Variants in UNC79 observed in about 807,000 individuals in gnomAD.
The protein encoded by UNC79 is protein unc-79 homolog.
In UNC79, 37 loss-of-function variants were observed where a neutral mutation model predicts 283.1. That is an observed-to-expected ratio of 0.13 (90% confidence interval 0.10 to 0.17). UNC79 has a LOEUF of 0.17. Ranked by LOEUF, UNC79 falls within the 10% of genes least tolerant of loss-of-function variation. The pLI is 1.00. For synonymous variants in UNC79, 1,107 were observed against 1,200.2 expected (o/e 0.92, Z 1.61); for missense variants, 2,272 against 3,211.1 (o/e 0.71, Z 7.07).
chr14:93,493,901 A>ATATATATATAT (rs1251701550), intron 5 of UNC79, among the ~76,000 whole-genome samples: 2 of 49,252 alleles, frequency 4.1e-5, no homozygotes, highest in African/African-American at 1.8e-4. Flanking sequence ...ATATATATAT[A>ATATATATATAT]TTTTTTTTTT....
At chr14:93,689,795 A>G in intron 44 of UNC79, 1 of 257,628 alleles carries the variant, frequency 3.9e-6, no homozygotes, top group Non-Finnish European at 7.3e-6. Context: ...GGCCCACCAG[A>G]GAAGAAATTT....
intron 14 of UNC79, among the ~76,000 whole-genome samples, chr14:93,559,628 TGAGCCAGGAG>T (rs1360026981): frequency 2.0e-5 from 3 of 152,126 alleles, no homozygotes; most frequent in Non-Finnish European, 4.4e-5. Flanking sequence ...TGAGCCAGGA[TGAGCCAGGAG>T]AAGGAATTTC....
chr14:93,577,397 G>C (rs2063535456), intron 17 of UNC79, among the ~76,000 whole-genome samples: 1 of 152,154 alleles, frequency 6.6e-6, no homozygotes, highest in South Asian at 2.1e-4. Context: ...ATATATTGTT[G>C]TCTCATAATA....
At chr14:93,566,021 G>A (rs948292857) in intron 14 of UNC79, among the ~76,000 whole-genome samples, 1 of 152,062 alleles carries the variant, frequency 6.6e-6, no homozygotes, top group African/African-American at 2.4e-5. Flanking sequence ...AGGAGAGGAG[G>A]GAAAGCATAG....
chr14:93,497,356 T>G, intron 7 of UNC79, 70 bp downstream of exon 7: 1 of 1,497,884 alleles, frequency 6.7e-7, no homozygotes, highest in Non-Finnish European at 8.9e-7. Flanking sequence ...CACCTACTTA[T>G]ACATACATTT....
intron 39 of UNC79, among the ~76,000 whole-genome samples, chr14:93,661,989 C>T (rs1334863730): frequency 6.6e-6 from 1 of 152,190 alleles, no homozygotes; most frequent in Non-Finnish European, 1.5e-5. Flanking sequence ...CCATCTAACT[C>T]TGTCTGACAC....
chr14:93,339,296 T>C (rs1239349346), intron 1 of UNC79, among the ~76,000 whole-genome samples: 1 of 151,782 alleles, frequency 6.6e-6, no homozygotes, highest in Admixed American at 6.6e-5. Context: ...GGCCATTTTT[T>C]TCTTTATTTT....
intron 1 of UNC79, among the ~76,000 whole-genome samples, chr14:93,464,097 C>T (rs915686804): frequency 2.6e-5 from 4 of 152,120 alleles, no homozygotes; most frequent in South Asian, 2.1e-4. Context: ...GGTAGTGAGC[C>T]GAGATCGTGC....
At chr14:93,418,268 G>A (rs1431273481) in intron 1 of UNC79, among the ~76,000 whole-genome samples, 1 of 151,732 alleles carries the variant, frequency 6.6e-6, no homozygotes, top group Non-Finnish European at 1.5e-5. Flanking sequence ...GTCTGTTGGA[G>A]TTTGCTAGAG....
intron 38 of UNC79, among the ~76,000 whole-genome samples, chr14:93,656,927 A>C (rs1222693461): frequency 1.3e-5 from 2 of 152,234 alleles, no homozygotes; most frequent in African/African-American, 4.8e-5. Context: ...TCCACTTCTG[A>C]AATGAGTATT....
chr14:93,674,076 C>T (rs2073126215), intron 41 of UNC79, among the ~76,000 whole-genome samples: 1 of 152,110 alleles, frequency 6.6e-6, no homozygotes, highest in African/African-American at 2.4e-5. Context: ...CCCTGCTGTC[C>T]TTAACTCAGC....
intron 1 of UNC79, among the ~76,000 whole-genome samples, chr14:93,390,583 T>C (rs2054864290): frequency 1.3e-5 from 2 of 152,154 alleles, no homozygotes; most frequent in Admixed American, 1.3e-4. Context: ...AAGGTATAGA[T>C]ATATTATTAG....
At chr14:93,637,241 G>T (rs1283240964) in exon 32 of UNC79, 2 of 1,471,938 alleles carry the variant, frequency 1.4e-6, no homozygotes, top group Non-Finnish European at 1.9e-6. Flanking sequence ...GGAAACGCCA[G>T]TGTAACGTGC....
intron 1 of UNC79, among the ~76,000 whole-genome samples, chr14:93,387,831 G>A (rs1443458127): frequency 6.6e-6 from 1 of 152,184 alleles, no homozygotes; most frequent in Non-Finnish European, 1.5e-5. Flanking sequence ...ACTTAAAATA[G>A]GATATTGAAG....
At position 93,423,062 on chromosome 14, in the gene UNC79, C is replaced by CAAAA. The variant is rs71129634; in HGVS notation, c.-350-44583_-350-44580dup. Among the ~76,000 whole-genome samples, 93 of 77,298 alleles carry CAAAA rather than the reference C, an allele frequency of 1.2e-3. 1 individual carries two copies. Among genetic ancestry groups the CAAAA allele is most frequent in the East Asian group, 6.3e-3 (12 of 1,920 alleles). 50.7% of individuals were successfully genotyped at this position (77,298 alleles called of 152,430 possible). A position where few individuals can be genotyped will look rare whatever the true frequency, so the allele number is the denominator to read the frequency against. ...TGGGGGACAGAGCGAGACTCTGTCT[C>CAAAA]AAAAAAAAAAAAAAAAAAAAAAAAA... is the stretch of plus-strand genomic sequence containing the variant. On this transcript the variant is annotated intron_variant, in intron 1 of 49. Transcript: ENST00000256339.
At chr14:93,347,178 A>T in intron 1 of UNC79, 1 of 1,452,580 alleles carries the variant, frequency 6.9e-7, no homozygotes, top group Middle Eastern at 1.9e-4. Flanking sequence ...CGCCTGCGCA[A>T]ACCAGCTGCC....
At chr14:93,369,933 C>A (rs1416661615) in intron 1 of UNC79, among the ~76,000 whole-genome samples, 1 of 152,076 alleles carries the variant, frequency 6.6e-6, no homozygotes, top group Non-Finnish European at 1.5e-5. Context: ...GGGAAATAAC[C>A]CAATTCTAGC....
exon 15 of UNC79, chr14:93,571,995 T>C: frequency 6.2e-7 from 1 of 1,614,220 alleles, no homozygotes; most frequent in African/African-American, 1.3e-5. Flanking sequence ...TCAATCAATC[T>C]GTCTGGGAGT....
chr14:93,706,926 G>A (rs1439038342), downstream of UNC79: 1 of 1,613,426 alleles, frequency 6.2e-7, no homozygotes, highest in East Asian at 2.2e-5. Context: ...GGCGCTCAGT[G>A]TCAACACTCT....
Sources: allele counts gnomAD v4.1 joint callset (sites outside exome capture counted in the v4.1 genomes callset), GRCh38; gene constraint gnomAD v4.1.1; transcripts MANE v1.5; gene names NCBI Gene and HGNC (gene_info 2026-07-23, HGNC 2026-07-21).